The following HEMK2 variants were observed in gnomAD, a reference collection of about 807,000 sequenced individuals.
The protein encoded by HEMK2 is methyltransferase HEMK2.
chr21:28,676,696 G>A, the HEMK2 span, among the ~76,000 whole-genome samples: 4 of 152,130 alleles, frequency 2.6e-5, no homozygotes, highest in African/African-American at 7.2e-5. Flanking sequence ...TTCAATCTGT[G>A]AGGCAGGAAG....
the HEMK2 span, chr21:28,743,330 T>C: frequency 6.6e-6 from 1 of 152,162 alleles, no homozygotes; most frequent in Non-Finnish European, 1.5e-5. Flanking sequence ...GATGTGTACA[T>C]TTGCTAGAGC....
At chr21:28,759,525 G>C in the HEMK2 span, among the ~76,000 whole-genome samples, 1 of 152,132 alleles carries the variant, frequency 6.6e-6, no homozygotes, top group African/African-American at 2.4e-5. Flanking sequence ...AATTAGTTAA[G>C]ACTTGGTGGG....
chr21:28,788,996 G>C, the HEMK2 span, among the ~76,000 whole-genome samples: 1 of 152,158 alleles, frequency 6.6e-6, no homozygotes, highest in African/African-American at 2.4e-5. Context: ...GAAACAAGGA[G>C]AGAGGCGGGA....
At chr21:28,654,724 T>C in the HEMK2 span, among the ~76,000 whole-genome samples, 1 of 152,114 alleles carries the variant, frequency 6.6e-6, no homozygotes, top group East Asian at 1.9e-4. Flanking sequence ...GAATTCATAG[T>C]TTTAGCATAA....
chr21:28,593,655 A>C, the HEMK2 span, among the ~76,000 whole-genome samples: 26 of 152,336 alleles, frequency 1.7e-4, no homozygotes, highest in East Asian at 4.6e-3. Flanking sequence ...AATGTATGTC[A>C]AAGAAACACA....
At chr21:28,704,468 T>G in the HEMK2 span, among the ~76,000 whole-genome samples, 1 of 151,886 alleles carries the variant, frequency 6.6e-6, no homozygotes, top group Non-Finnish European at 1.5e-5. Flanking sequence ...AACAAGTGAT[T>G]AGGGTGTTAG....
the HEMK2 span, among the ~76,000 whole-genome samples, chr21:28,702,964 G>A: frequency 1.3e-5 from 2 of 152,092 alleles, no homozygotes; most frequent in African/African-American, 4.8e-5. Flanking sequence ...ATACACAATG[G>A]AATACTACAC....
At chr21:28,603,545 A>G in the HEMK2 span, among the ~76,000 whole-genome samples, 886 of 95,558 alleles carry the variant, frequency 9.3e-3, 10 homozygotes, top group African/African-American at 0.035. Context: ...TACTGAGGAT[A>G]TATATGTGTG....
the HEMK2 span, among the ~76,000 whole-genome samples, chr21:28,659,272 C>T: frequency 4.1e-4 from 63 of 152,198 alleles, no homozygotes; most frequent in Non-Finnish European, 7.6e-4. Context: ...TAATAACCCA[C>T]TGCAAGCGCT....
chr21:28,769,881 T>C, the HEMK2 span, among the ~76,000 whole-genome samples: 1 of 152,302 alleles, frequency 6.6e-6, no homozygotes, highest in South Asian at 2.1e-4. Flanking sequence ...TAAGCAATAG[T>C]TTGTACTGAC....
the HEMK2 span, among the ~76,000 whole-genome samples, chr21:28,796,709 T>A: frequency 6.6e-6 from 1 of 152,124 alleles, no homozygotes; most frequent in East Asian, 1.9e-4. Context: ...GGACCACAGG[T>A]ACATGCCACT....
the HEMK2 span, among the ~76,000 whole-genome samples, chr21:28,677,265 C>T: frequency 2.6e-5 from 4 of 152,210 alleles, no homozygotes; most frequent in Non-Finnish European, 5.9e-5. Context: ...ACGCCTGGCT[C>T]GGAGGGTCCT....
chr21:28,740,037 G>A, the HEMK2 span, among the ~76,000 whole-genome samples: 1 of 152,180 alleles, frequency 6.6e-6, no homozygotes, highest in African/African-American at 2.4e-5. Flanking sequence ...AACACCTTGT[G>A]TAAATTCTTG....
chr21:28,839,000 T>TATATATACAC, the HEMK2 span, among the ~76,000 whole-genome samples: 1 of 58,016 alleles, frequency 1.7e-5, no homozygotes, highest in African/African-American at 6.7e-5. Flanking sequence ...TATATATATA[T>TATATATACAC]ACATATATAT....
chr21:28,823,026 A>G, the HEMK2 span, among the ~76,000 whole-genome samples: 1 of 152,288 alleles, frequency 6.6e-6, no homozygotes, highest in South Asian at 2.1e-4. Flanking sequence ...CATGGCTCAG[A>G]AAACAAAAGT....
At chr21:28,727,705 A>G in the HEMK2 span, among the ~76,000 whole-genome samples, 1 of 152,248 alleles carries the variant, frequency 6.6e-6, no homozygotes, top group Admixed American at 6.5e-5. Flanking sequence ...GACTTATTAG[A>G]TAACCTGCAA....
the HEMK2 span, among the ~76,000 whole-genome samples, chr21:28,621,297 T>C: frequency 2.6e-5 from 4 of 152,324 alleles, no homozygotes; most frequent in African/African-American, 7.2e-5. Flanking sequence ...AAAACTTATT[T>C]ATTTCTGCCT....
the HEMK2 span, among the ~76,000 whole-genome samples, chr21:28,844,313 C>T: frequency 6.6e-6 from 1 of 152,020 alleles, no homozygotes; most frequent in South Asian, 2.1e-4. Flanking sequence ...TCATATTAGC[C>T]TAATTCCATA....
the HEMK2 span, among the ~76,000 whole-genome samples, chr21:28,854,311 A>G: frequency 6.6e-6 from 1 of 152,304 alleles, no homozygotes; most frequent in East Asian, 1.9e-4. Context: ...TGTTCTCCAC[A>G]CTATTAGAAG....
Sources: gnomAD v4.1 joint callset for allele counts (sites outside exome capture counted in the v4.1 genomes callset) on GRCh38, gnomAD v4.1.1 for gene constraint, MANE v1.5 for transcripts, NCBI Gene and HGNC (gene_info 2026-07-23, HGNC 2026-07-21) for gene names.